The following RAD51C variants were observed in gnomAD, a reference collection of about 807,000 sequenced individuals.
The protein encoded by RAD51C is DNA repair protein RAD51 homolog 3.
A neutral mutation model predicts 45.0 loss-of-function variants in RAD51C; 42 were observed. The observed-to-expected ratio is 0.93, with a 90% CI of 0.73 to 1.21. The LOEUF is 1.21. Among genes scored for constraint, RAD51C ranks in the 50% most tolerant of loss-of-function variants. RAD51C has a pLI of 0.00. For missense variants in RAD51C, 474 were observed against 452.2 expected (o/e 1.05, Z -0.44); for synonymous variants, 172 against 159.8 (o/e 1.08, Z -0.58).
At chr17:58,705,595 G>A (rs2048353017) in intron 4 of RAD51C, among the ~76,000 whole-genome samples, 1 of 152,100 alleles carries the variant, frequency 6.6e-6, no homozygotes, top group African/African-American at 2.4e-5. Context: ...GCCTCCCAAA[G>A]TGCTGGGATT....
At chr17:58,713,483 G>A (rs1294094050) in intron 5 of RAD51C, among the ~76,000 whole-genome samples, 1 of 151,886 alleles carries the variant, frequency 6.6e-6, no homozygotes, top group African/African-American at 2.4e-5. Flanking sequence ...TGAGACCACA[G>A]GCACACACCA....
chr17:58,733,689 ATTCACAG>A (rs2049536781), intron 8 of RAD51C, among the ~76,000 whole-genome samples: 2 of 152,202 alleles, frequency 1.3e-5, no homozygotes, highest in Non-Finnish European at 2.9e-5. Context: ...TATTCTCTTC[ATTCACAG>A]TGGTTGATAA....
At chr17:58,698,004 A>G (rs1368287845) in intron 3 of RAD51C, among the ~76,000 whole-genome samples, 1 of 150,754 alleles carries the variant, frequency 6.6e-6, no homozygotes, top group African/African-American at 2.4e-5. Flanking sequence ...GAGCCACCGC[A>G]CCCGGCCAAT....
intron 4 of RAD51C, among the ~76,000 whole-genome samples, chr17:58,709,281 C>G (rs1318074832): frequency 6.7e-6 from 1 of 150,210 alleles, no homozygotes; most frequent in Non-Finnish European, 1.5e-5. Flanking sequence ...GTTTCACCAT[C>G]TTGGCCAGGC....
intron 5 of RAD51C, among the ~76,000 whole-genome samples, chr17:58,711,869 A>G (rs1164662884): frequency 6.6e-6 from 1 of 151,918 alleles, no homozygotes; most frequent in African/African-American, 2.4e-5. Context: ...TTCCCAATTA[A>G]CATATATATA....
At chr17:58,720,220 T>C (rs549280470) in intron 5 of RAD51C, among the ~76,000 whole-genome samples, 1 of 150,594 alleles carries the variant, frequency 6.6e-6, no homozygotes, top group African/African-American at 2.4e-5. Context: ...GCGACCATCC[T>C]GACTAACACG....
chr17:58,718,050 G>A (rs1015112873), intron 5 of RAD51C, among the ~76,000 whole-genome samples: 11 of 151,920 alleles, frequency 7.2e-5, no homozygotes, highest in East Asian at 1.9e-4. Flanking sequence ...AGGCTGGAGC[G>A]CAATGGTGCA....
chr17:58,713,255 A>G (rs1023681336), intron 5 of RAD51C, among the ~76,000 whole-genome samples: 2 of 152,050 alleles, frequency 1.3e-5, no homozygotes, highest in African/African-American at 2.4e-5. Context: ...CATGTACACT[A>G]CTTATAAGTC....
intron 7 of RAD51C, among the ~76,000 whole-genome samples, chr17:58,731,302 C>T (rs2049412227): frequency 6.7e-6 from 1 of 150,344 alleles, no homozygotes. Context: ...CTTTTTTGCC[C>T]AGGCTGGAGT....
intron 6 of RAD51C, among the ~76,000 whole-genome samples, chr17:58,723,225 C>A (rs974065766): frequency 6.6e-6 from 1 of 152,122 alleles, no homozygotes; most frequent in African/African-American, 2.4e-5. Context: ...CAAATTATAT[C>A]CACCTTTTCA....
At chr17:58,696,882 T>A in intron 3 of RAD51C, 23 bp downstream of exon 3, 4 of 1,612,104 alleles carry the variant, frequency 2.5e-6, no homozygotes, top group Non-Finnish European at 3.4e-6. Flanking sequence ...ATGATCTTCT[T>A]TTTTTCTGTA....
intron 7 of RAD51C, among the ~76,000 whole-genome samples, chr17:58,728,731 TG>T (rs1203120162): frequency 6.6e-6 from 1 of 152,202 alleles, no homozygotes; most frequent in African/African-American, 2.4e-5. Context: ...CAAATTATAT[TG>T]GGCATTGAAC....
intron 5 of RAD51C, among the ~76,000 whole-genome samples, chr17:58,712,344 CAAAAAAAA>C (rs5821244): frequency 1.9e-4 from 16 of 83,080 alleles, no homozygotes; most frequent in South Asian, 1.3e-3. Flanking sequence ...CACTCCATCT[CAAAAAAAA>C]AAAAAAAAAA....
At chr17:58,728,604 C>T (rs898452313) in intron 7 of RAD51C, among the ~76,000 whole-genome samples, 2 of 151,882 alleles carry the variant, frequency 1.3e-5, no homozygotes, top group African/African-American at 2.4e-5. Context: ...TGCCGTGTTG[C>T]CCAGGCTGGC....
Position 58,732,483 on chromosome 17 carries a change from G to T in RAD51C, c.966-1G>T, listed in dbSNP as rs876658272. On this transcript the variant is annotated splice_acceptor_variant, in intron 7 of 8. Transcript: ENST00000337432. LOFTEE classifies it high-confidence loss of function. ...TGTATTTATTCTTTTTCTTTAAGCA[G>T]GTTGGCAACATTGTACAAGTCACCC... The T allele has an allele frequency of 6.2e-7, 1 of 1,612,028 alleles. No individual in the cohort carries two copies.
rs773196250 is a variant in RAD51C, at chr17:58,724,083, T to C, written c.948T>C (p.His316=). The change falls in exon 7 of 9, where the codon CAT becomes CAC. Residue 316 remains histidine, a synonymous_variant. Coordinates refer to ENST00000337432, the MANE Select transcript of RAD51C (RefSeq NM_058216.3). ...GHAATIRLIF[H]WDRKQRLATL... The stretch of plus-strand genomic sequence containing the variant: ...CTGCTACAATACGGCTAATCTTTCA[T>C]TGGGACCGAAAGCAAAGGTCAGTAC... The C allele has an allele frequency of 1.2e-6, 2 of 1,612,992 alleles. No homozygotes were observed. Among genetic ancestry groups the C allele is most frequent in the East Asian group, 4.5e-5 (2 of 44,866 alleles).
At chr17:58,711,602 A>T (rs2048558676) in intron 5 of RAD51C, among the ~76,000 whole-genome samples, 1 of 151,840 alleles carries the variant, frequency 6.6e-6, no homozygotes, top group South Asian at 2.1e-4. Flanking sequence ...CTGAGACTAG[A>T]GGCACATGCC....
intron 7 of RAD51C, 41 bp from the exon 8 acceptor site, chr17:58,732,443 G>A: frequency 6.5e-7 from 1 of 1,547,288 alleles, no homozygotes; most frequent in Non-Finnish European, 8.9e-7. Flanking sequence ...AATTAATTAA[G>A]TTCATGTGTT....
intron 8 of RAD51C, chr17:58,732,763 T>C (rs2049484727): frequency 3.7e-6 from 2 of 533,968 alleles, no homozygotes; most frequent in Non-Finnish European, 3.4e-6. Context: ...GAAATACTTA[T>C]TTTGGGGTAG....
Sources: gnomAD v4.1 joint callset for allele counts (sites outside exome capture counted in the v4.1 genomes callset) on GRCh38, gnomAD v4.1.1 for gene constraint, MANE v1.5 for transcripts, NCBI Gene and HGNC (gene_info 2026-07-23, HGNC 2026-07-21) for gene names.